Variants in PAK4 observed in about 807,000 individuals in gnomAD.
PAK4 encodes the protein serine/threonine-protein kinase PAK 4.
In PAK4, 49 loss-of-function variants were observed where a neutral mutation model predicts 53.5. The ratio of observed to expected loss-of-function variants is 0.92; its 90% CI spans 0.73 to 1.16. The LOEUF is 1.16. PAK4 is among the 50% of genes most tolerant of loss of function. PAK4 has a pLI of 0.00. For synonymous variants in PAK4, 376 were observed against 375.6 expected, an observed-to-expected ratio of 1.00 and a Z score of -0.01; for missense variants, 824 against 850.7, an observed-to-expected ratio of 0.97 and a Z score of 0.39.
At chr19:39,150,371 A>G (rs1328285896) in intron 1 of PAK4, among the ~76,000 whole-genome samples, 1 of 152,174 alleles carries the variant, frequency 6.6e-6, no homozygotes. Flanking sequence ...GCCTAGGTTC[A>G]GAGTCGTCCT....
chr19:39,164,682 C>G (rs1350390715), intron 1 of PAK4, among the ~76,000 whole-genome samples: 1 of 152,052 alleles, frequency 6.6e-6, no homozygotes, highest in Non-Finnish European at 1.5e-5. Flanking sequence ...CTGGAGTGGG[C>G]AGGACTCTGG....
At chr19:39,164,772 T>C (rs1159840346) in intron 1 of PAK4, among the ~76,000 whole-genome samples, 3 of 152,164 alleles carry the variant, frequency 2.0e-5, no homozygotes, top group Non-Finnish European at 4.4e-5. Flanking sequence ...AGTCTCTGTT[T>C]CCACAGCTGC....
intron 1 of PAK4, among the ~76,000 whole-genome samples, chr19:39,144,988 C>CA (rs1319745736): frequency 1.3e-5 from 2 of 152,174 alleles, no homozygotes; most frequent in Non-Finnish European, 2.9e-5. Context: ...ATAAAGCAAA[C>CA]AGCCATGAAA....
At chr19:39,169,407 C>A in intron 1 of PAK4, 125 bp from the exon 3 acceptor site, 1 of 712,588 alleles carries the variant, frequency 1.4e-6, no homozygotes, top group Non-Finnish European at 2.4e-6. Flanking sequence ...GCAGGGAGAC[C>A]CAGAAGGAGG....
chr19:39,139,262 G>A (rs2873913), intron 1 of PAK4, among the ~76,000 whole-genome samples: 37,323 of 152,128 alleles, frequency 0.25, 4,775 homozygotes, highest in East Asian at 0.39. Context: ...TCAGCCGCAC[G>A]GCCCCTTGCC....
intron 1 of PAK4, among the ~76,000 whole-genome samples, chr19:39,146,588 A>C (rs2074002475): frequency 6.6e-6 from 1 of 152,120 alleles, no homozygotes; most frequent in Non-Finnish European, 1.5e-5. Context: ...CTGTAATTCC[A>C]CCCCATTTGG....
chr19:39,173,507 C>T lies in PAK4; in HGVS notation c.664-69C>T. On this transcript the variant is annotated intron_variant, in intron 3 of 8. Transcript: ENST00000358301. This position sits in a 1 kb window ranked among gnomAD's most constrained non-coding sequence, Gnocchi z 6.9. ...ATGTGTCTGTCCCATCGCTGGGTCT[C>T]TCTCCTGCTTAGGGAGCAGAGCTGC... The T allele has an allele frequency of 7.1e-7, 1 of 1,399,376 alleles. No homozygotes were observed. The highest frequency in any genetic ancestry group is 9.7e-7 in the Non-Finnish European group (1 of 1,031,438). The allele number at this position is 1,399,376 out of a possible 1,614,324, so 86.7% of individuals were successfully genotyped here.
At chr19:39,156,470 G>A (rs1443805688) in intron 1 of PAK4, among the ~76,000 whole-genome samples, 2 of 152,208 alleles carry the variant, frequency 1.3e-5, no homozygotes, top group African/African-American at 4.8e-5. Flanking sequence ...GCATAGGGGG[G>A]TGAGGCGGGG....
intron 1 of PAK4, among the ~76,000 whole-genome samples, chr19:39,163,879 C>T (rs57716250): frequency 0.019 from 2,834 of 152,238 alleles, 91 homozygotes; most frequent in African/African-American, 0.065. Context: ...GATCATTCCA[C>T]GGAGTCCCTA....
At chr19:39,162,947 T>G (rs1254894489) in intron 1 of PAK4, among the ~76,000 whole-genome samples, 1 of 151,500 alleles carries the variant, frequency 6.6e-6, no homozygotes, top group East Asian at 1.9e-4. Flanking sequence ...GTGGGAGGCC[T>G]GAAGAGAGAT....
In PAK4 at chr19:39,161,821, C is replaced by T. The variant is rs746642212; in HGVS notation, c.-22-7711C>T. ...TTGACCATATCAAGCAAATTCCTACCGCCCTGGCTGTTCCTTCCTCCTGGG... is the reference window on the plus strand; with the variant it reads ...TTGACCATATCAAGCAAATTCCTACTGCCCTGGCTGTTCCTTCCTCCTGGG... On this transcript the variant is annotated intron_variant, in intron 1 of 8. Transcript: ENST00000358301. The surrounding 1 kb of genome is among the most constrained non-coding windows in gnomAD (Gnocchi z 4.5). 6.6e-6 allele frequency among the ~76,000 whole-genome samples: 1 copy of T among 152,062 alleles called. No individual in the cohort carries two copies. Among genetic ancestry groups the T allele is most frequent in the Admixed American group, 6.6e-5 (1 of 15,256 alleles).
At chr19:39,129,992 A>G (rs1347416331) in intron 1 of PAK4, among the ~76,000 whole-genome samples, 1 of 150,986 alleles carries the variant, frequency 6.6e-6, no homozygotes, top group Non-Finnish European at 1.5e-5. Context: ...TGTAGATTAT[A>G]GTACAGTGAA....
chr19:39,176,897 C>G (rs949009667), intron 7 of PAK4, among the ~76,000 whole-genome samples, 182 bp downstream of exon 8: 4 of 151,486 alleles, frequency 2.6e-5, no homozygotes, highest in South Asian at 2.1e-4. Flanking sequence ...GAGATGGAGT[C>G]TCGCTCTGTT....
rs1014849315 is a variant in PAK4, at chr19:39,167,552, G to A, written c.-22-1980G>A. ...TGGGCAGAGACAAAGGAGGCCCCCC[G>A]TCCGCCCTCCATCCTGGGCCCCAGG... On this transcript the variant is annotated intron_variant, in intron 1 of 8. Coordinates refer to ENST00000358301, the Ensembl canonical transcript of PAK4. Among the ~76,000 whole-genome samples, 5 of 152,280 alleles carry A rather than the reference G, an allele frequency of 3.3e-5. No homozygotes were observed. The East Asian group carries it at 9.6e-4, about 29-fold the overall frequency.
At chr19:39,148,466 C>CTGTTTTTTTTTTTT (rs2074039610) in intron 1 of PAK4, among the ~76,000 whole-genome samples, 2 of 56,786 alleles carry the variant, frequency 3.5e-5, no homozygotes, top group Non-Finnish European at 5.8e-5. Context: ...GTTTCTTCTG[C>CTGTTTTTTTTTTTT]TTTTTTTTTT....
Position 39,173,745 on chromosome 19 carries a change from C to A in PAK4, c.833C>A (p.Pro278His). The stretch of plus-strand genomic sequence containing the variant: ...CAGCTGGCCCCTCCAGCCTGCACCC[C>A]CGCCGCCCCTGCTGTTCCTGGGCCC... The change falls in exon 4 of 9, where the codon CCC becomes CAC. Residue 278 changes from proline to histidine, a missense_variant. Physicochemically the swap from Pro to His is moderately conservative, Grantham distance 77. Coordinates refer to ENST00000358301, the Ensembl canonical transcript of PAK4. This position sits in a 1 kb window ranked among gnomAD's most constrained non-coding sequence, Gnocchi z 6.9. 6.3e-7 allele frequency: 1 copy of A among 1,578,160 alleles called. No individual in the cohort carries two copies. The highest frequency in any genetic ancestry group is 1.3e-5 in the African/African-American group (1 of 74,088).
In PAK4 at chr19:39,178,532, C is replaced by T. The variant is rs1450840428; in HGVS notation, c.1729C>T (p.Pro577Ser). The change falls in exon 9 of 9, where the codon CCG becomes TCG. Residue 577 changes from proline to serine, a missense_variant. By Grantham distance (74) the Pro-to-Ser change is moderately conservative. Around this residue, in one of 2 missense-constraint regions of PAK4, gnomAD observed 346 missense variants for 415.0 expected, o/e 0.83. Coordinates refer to ENST00000358301, the Ensembl canonical transcript of PAK4. This position sits in a 1 kb window ranked among gnomAD's most constrained non-coding sequence, Gnocchi z 4.4. Reference sequence around the variant, plus strand: ...GCACCCATTCCTGGCCAAGGCAGGGCCGCCTGCCAGCATCGTGCCCCTCAT... The same window carrying T: ...GCACCCATTCCTGGCCAAGGCAGGGTCGCCTGCCAGCATCGTGCCCCTCAT... The T allele has an allele frequency of 6.2e-7, 1 of 1,611,004 alleles. No homozygotes were observed. The highest frequency in any genetic ancestry group is 1.1e-5 in the South Asian group (1 of 90,950).
chr19:39,149,564 A>C (rs1308739314), intron 1 of PAK4, among the ~76,000 whole-genome samples: 2 of 152,126 alleles, frequency 1.3e-5, no homozygotes, highest in African/African-American at 2.4e-5. Context: ...CTTTTAAAAT[A>C]TATGTATATA....
chr19:39,156,497 A>T (rs907225230), intron 1 of PAK4, among the ~76,000 whole-genome samples: 2 of 152,022 alleles, frequency 1.3e-5, no homozygotes, highest in African/African-American at 4.8e-5. Context: ...TGTTGGTGGG[A>T]GGCTGACCCT....
Sources: allele counts gnomAD v4.1 joint callset (sites outside exome capture counted in the v4.1 genomes callset), GRCh38; gene constraint gnomAD v4.1.1; regional missense constraint gnomAD v4.1.1; non-coding constraint Gnocchi (gnomAD v3.1); transcripts MANE v1.5; gene names NCBI Gene and HGNC (gene_info 2026-07-23, HGNC 2026-07-21).